The following CYP26C1 variants were observed in gnomAD, a reference collection of about 807,000 sequenced individuals.
The protein encoded by CYP26C1 is cytochrome P450 family 26 subfamily C member 1, also known as cytochrome P450 26C1.
In CYP26C1, 41 loss-of-function variants were observed where a neutral mutation model predicts 39.1. That is an observed-to-expected ratio of 1.05 (90% confidence interval 0.82 to 1.36). CYP26C1 has a LOEUF of 1.36. CYP26C1 is among the 40% of genes most tolerant of loss of function. The pLI is 0.00. For synonymous variants in CYP26C1, 362 were observed against 350.8 expected (o/e 1.03, Z -0.36); for missense variants, 833 against 752.0 (o/e 1.11, Z -1.26).
intron 3 of CYP26C1, chr10:93,063,375 G>A (rs886100896): frequency 1.5e-5 from 15 of 1,026,962 alleles, no homozygotes; most frequent in Non-Finnish European, 1.7e-5. Flanking sequence ...CGGAAGCCCA[G>A]ATGGCTGCGG....
intron 3 of CYP26C1, chr10:93,063,315 C>G: frequency 2.7e-6 from 3 of 1,122,324 alleles, no homozygotes; most frequent in Non-Finnish European, 3.3e-6. Flanking sequence ...GCCAGTCGGT[C>G]GGACTCCTTC....
intron 4 of CYP26C1, chr10:93,064,772 C>T: frequency 8.1e-7 from 1 of 1,227,552 alleles, no homozygotes; most frequent in Non-Finnish European, 1.0e-6. Context: ...GGCAAGAATC[C>T]TAGGCCCATC....
chr10:93,061,404 G>A lies in CYP26C1; in HGVS notation c.141G>A (p.Leu47=), dbSNP rs1846746420. ...WMLSRDRAST[L]PLPKGSMGWP... ...TGAGCCGGGACCGGGCCTCCACCCT[G>A]CCTCTGCCCAAGGGCTCCATGGGGT... Residue 47 remains leucine, a synonymous_variant, in exon 1 of 6, where the codon CTG becomes CTA. Transcript: ENST00000651965. 7 of 1,560,212 alleles carry A rather than the reference G, an allele frequency of 4.5e-6. No individual in the cohort carries two copies. Among genetic ancestry groups the A allele is most frequent in the Non-Finnish European group, 4.3e-6 (5 of 1,152,340 alleles).
rs1564950761 is a variant in CYP26C1 at position 93,061,384 on chromosome 10, CG to C, written c.124del (p.Asp42ThrfsTer25). On this transcript the variant is annotated frameshift_variant, in exon 1 of 6. Coordinates refer to ENST00000651965, the MANE Select transcript of CYP26C1 (RefSeq NM_183374.3). LOFTEE classifies it high-confidence loss of function. ...CTGGACCCTCCGCTGGATGCTGAGC[CG>C]GGACCGGGCCTCCACCCTGCCTCTG... The part of the protein sequence containing the change: ...HLWTLRWMLS[R>X]DRASTLPLPK... 3.2e-6 allele frequency: 5 copies of C among 1,566,200 alleles called. No individual in the cohort carries two copies. The highest frequency in any genetic ancestry group is 3.5e-6 in the Non-Finnish European group (4 of 1,155,646).
rs1312492723 is a variant in CYP26C1, at chr10:93,063,075, C to T, written c.705+80C>T. On this transcript the variant is annotated intron_variant, in intron 3 of 5. Transcript: ENST00000651965. ...CTCCCAGACCCAGACGGGACGCCCTCGGCGCACCCCGCGCGTCCGTCACCT... is the reference window on the plus strand; with the variant it reads ...CTCCCAGACCCAGACGGGACGCCCTTGGCGCACCCCGCGCGTCCGTCACCT... 6 of 1,477,912 alleles carry T rather than the reference C, an allele frequency of 4.1e-6. No homozygotes were observed. The African/African-American group carries it at 5.8e-5, about 14-fold the overall frequency. The allele number at this position is 1,477,912 out of a possible 1,614,324, so 91.5% of individuals were successfully genotyped here.
Position 93,061,485 on chromosome 10 carries a change from C to G in CYP26C1, c.204+18C>G. 2.6e-6 allele frequency: 4 copies of G among 1,548,744 alleles called. No individual in the cohort carries two copies. Among genetic ancestry groups the G allele is most frequent in the Non-Finnish European group, 3.5e-6 (4 of 1,146,948 alleles). On this transcript the variant is annotated intron_variant, in intron 1 of 5. Coordinates refer to ENST00000651965, the MANE Select transcript of CYP26C1 (RefSeq NM_183374.3). ...TAGTTCAGGTGAGCAGTCCTTCGAC[C>G]CCGAGCGCTAATACGGTCCCTTCTT...
chr10:93,067,569 C>A (rs1268509494), intron 5 of CYP26C1, among the ~76,000 whole-genome samples: 2 of 152,298 alleles, frequency 1.3e-5, no homozygotes, highest in Admixed American at 1.3e-4. Flanking sequence ...AAAGAGAGCT[C>A]CTGGGATGAT....
rs1590135422 is a variant in CYP26C1 at position 93,062,718 on chromosome 10, A to G, written c.430-2A>G. On this transcript the variant is annotated splice_acceptor_variant, in intron 2 of 5. Coordinates refer to ENST00000651965, the MANE Select transcript of CYP26C1 (RefSeq NM_183374.3). LOFTEE classifies it high-confidence loss of function. ...CAGCGCTGATCACGCGCGCTCCCAC[A>G]GGTCCTGGCGCGCGTGTTCAGCCGC... 1 of 1,408,096 alleles carries G rather than the reference A, an allele frequency of 7.1e-7. No homozygotes were observed. Among genetic ancestry groups the G allele is most frequent in the East Asian group, 2.8e-5 (1 of 35,668 alleles). The allele number at this position is 1,408,096 out of a possible 1,614,324, so 87.2% of individuals were successfully genotyped here.
intron 5 of CYP26C1, among the ~76,000 whole-genome samples, chr10:93,067,983 C>A (rs1473491191): frequency 1.3e-5 from 2 of 152,186 alleles, no homozygotes; most frequent in Non-Finnish European, 2.9e-5. Context: ...AAAGACAAAA[C>A]CAAACGGGAA....
At position 93,061,260 on chromosome 10, in the gene CYP26C1, C is replaced by T. The variant is rs768595316; in HGVS notation, c.-4C>T. 21 of 1,571,106 alleles carry T rather than the reference C, an allele frequency of 1.3e-5. No homozygotes were observed. Among genetic ancestry groups the T allele is most frequent in the Admixed American group, 1.3e-4 (7 of 54,184 alleles). On this transcript the variant is annotated 5_prime_UTR_variant, in exon 1 of 6. Transcript: ENST00000651965. ...CTGAGCGGCCTGGCCCCCGCGGGCT[C>T]ATCATGTTCCCTTGGGGGCTGAGCT...
chr10:93,062,075 C>A lies in CYP26C1; in HGVS notation c.270C>A (p.Gly90=). Residue 90 remains glycine (G), a synonymous_variant, in exon 2 of 6, where the codon GGC becomes GGA. Transcript: ENST00000651965. ...CAGTGTTCAAGACGCACCTGCTGGG[C>A]AGGCCAGTGATCCGCGTGAGCGGCG... ...YGTVFKTHLL[G]RPVIRVSGAE... is the part of the protein sequence containing the mutation. The A allele has an allele frequency of 6.3e-7, 1 of 1,580,156 alleles. No individual in the cohort carries two copies. The highest frequency in any genetic ancestry group is 8.6e-7 in the Non-Finnish European group (1 of 1,164,038).
At position 93,068,529 on chromosome 10, in the gene CYP26C1, C is replaced by A. The variant is rs61729502; in HGVS notation, c.1401C>A (p.Ala467=). The A allele has an allele frequency of 1.7e-5, 27 of 1,602,018 alleles. No individual in the cohort carries two copies. The highest frequency in any genetic ancestry group is 2.0e-5 in the Non-Finnish European group (24 of 1,174,772). ...RSCLGQELAQ[A]VLQLLAVELV... ...GCCTCGGCCAGGAGCTGGCGCAAGC[C>A]GTGCTCCAGCTGCTAGCTGTGGAGC... is the stretch of plus-strand genomic sequence containing the variant. The change falls in exon 6 of 6, where the codon GCC becomes GCA. Residue 467 remains alanine, a synonymous_variant. Coordinates refer to ENST00000651965, the MANE Select transcript of CYP26C1 (RefSeq NM_183374.3).
At chr10:93,064,833 G>A in intron 4 of CYP26C1, 1 of 1,080,768 alleles carries the variant, frequency 9.3e-7, no homozygotes, top group Non-Finnish European at 1.1e-6. Flanking sequence ...TTCCCCCACT[G>A]CCCTTCTCTG....
chr10:93,065,770 T>C (rs1488063041), intron 4 of CYP26C1, among the ~76,000 whole-genome samples, 186 bp from the exon 5 acceptor site: 1 of 152,230 alleles, frequency 6.6e-6, no homozygotes, highest in Non-Finnish European at 1.5e-5. Context: ...CTTTCCCAAA[T>C]GGTGGACTTG....
chr10:93,068,338 G>C lies in CYP26C1; in HGVS notation c.1210G>C (p.Gly404Arg). 6.5e-7 allele frequency: 1 copy of C among 1,533,058 alleles called. No homozygotes were observed. The highest frequency in any genetic ancestry group is 1.3e-5 in the South Asian group (1 of 77,800). 95.0% of individuals were successfully genotyped at this position (1,533,058 alleles called of 1,614,324 possible). A position where few individuals can be genotyped will look rare whatever the true frequency, so the allele number is the denominator to read the frequency against. The change falls in exon 6 of 6, where the codon GGC becomes CGC. Residue 404 changes from glycine (G) to arginine (R), a missense_variant. Physicochemically the swap from Gly to Arg is moderately radical, Grantham distance 125. Transcript: ENST00000651965. ...TCTGCAGGGCTACCAGATCCCCAAG[G>C]GCTGGAGCGTGATGTATAGCATCCG... ...FELDGYQIPK[G>R]WSVMYSIRDT...
rs567808409 is a variant in CYP26C1 at position 93,061,391 on chromosome 10, G to C, written c.128G>C (p.Arg43Pro). The C allele has an allele frequency of 3.2e-6, 5 of 1,563,934 alleles. No individual in the cohort carries two copies. Among genetic ancestry groups the C allele is most frequent in the Admixed American group, 3.8e-5 (2 of 52,828 alleles). The change falls in exon 1 of 6, where the codon CGG (arginine) becomes CCG (proline). Residue 43 changes from arginine (R) to proline (P), a missense_variant. Physicochemically the swap from Arg to Pro is moderately radical, Grantham distance 103. Transcript: ENST00000651965. ...WTLRWMLSRD[R>P]ASTLPLPKGS... Reference sequence around the variant, plus strand: ...CTCCGCTGGATGCTGAGCCGGGACCGGGCCTCCACCCTGCCTCTGCCCAAG... The same window carrying C: ...CTCCGCTGGATGCTGAGCCGGGACCCGGCCTCCACCCTGCCTCTGCCCAAG...
rs1238867546 is a variant in CYP26C1, at chr10:93,068,515, G to C, written c.1387G>C (p.Glu463Gln). The C allele has an allele frequency of 1.2e-6, 2 of 1,604,990 alleles. No individual in the cohort carries two copies. Among genetic ancestry groups the C allele is most frequent in the Admixed American group, 3.4e-5 (2 of 59,060 alleles). Residue 463 changes from glutamate to glutamine, a missense_variant, in exon 6 of 6, where the codon GAG becomes CAG. Glu to Gln is a conservative substitution (Grantham distance 29). Coordinates refer to ENST00000651965, the MANE Select transcript of CYP26C1 (RefSeq NM_183374.3). ...CGGTGCGCGCAGCTGCCTCGGCCAG[G>C]AGCTGGCGCAAGCCGTGCTCCAGCT... ...GGGARSCLGQ[E>Q]LAQAVLQLLA...
At position 93,066,240 on chromosome 10, in the gene CYP26C1, A is replaced by G; in HGVS notation, c.1146A>G (p.Pro382=). ...VVKEVLRLLP[P]VSGGYRTALR... ...AGGAGGTGCTGCGCCTCCTGCCGCC[A>G]GTGTCCGGGGGCTACCGCACCGCCC... The change falls in exon 5 of 6, where the codon CCA becomes CCG. Residue 382 remains proline, a synonymous_variant. Transcript: ENST00000651965. The G allele has an allele frequency of 6.8e-7, 1 of 1,472,444 alleles. No homozygotes were observed. Among genetic ancestry groups the G allele is most frequent in the Non-Finnish European group, 9.0e-7 (1 of 1,114,514 alleles). The allele number at this position is 1,472,444 out of a possible 1,614,324, so 91.2% of individuals were successfully genotyped here. A position where few individuals can be genotyped will look rare whatever the true frequency, so the allele number is the denominator to read the frequency against.
rs1417911179 is a variant in CYP26C1, at chr10:93,066,163, G to C, written c.1069G>C (p.Asp357His). The C allele has an allele frequency of 7.0e-7, 1 of 1,423,348 alleles. No individual in the cohort carries two copies. The highest frequency in any genetic ancestry group is 9.2e-7 in the Non-Finnish European group (1 of 1,088,578). 88.2% of individuals were successfully genotyped at this position (1,423,348 alleles called of 1,614,324 possible). A position where few individuals can be genotyped will look rare whatever the true frequency, so the allele number is the denominator to read the frequency against. The change falls in exon 5 of 6, where the codon GAC becomes CAC. Residue 357 changes from aspartate to histidine, a missense_variant. Physicochemically the swap from Asp to His is moderately conservative, Grantham distance 81. Coordinates refer to ENST00000651965, the MANE Select transcript of CYP26C1 (RefSeq NM_183374.3). ...CCCGCCCGACTGCGGCTGCGAGCCC[G>C]ACCTCAGCCTCGCGGCGCTGGGCCG... is the stretch of plus-strand genomic sequence containing the variant. The part of the protein sequence containing the change: ...GPPPDCGCEP[D>H]LSLAALGRLR...
Sources: gnomAD v4.1 joint callset for allele counts (sites outside exome capture counted in the v4.1 genomes callset) on GRCh38, gnomAD v4.1.1 for gene constraint, MANE v1.5 for transcripts, NCBI Gene and HGNC (gene_info 2026-07-23, HGNC 2026-07-21) for gene names.